The following DNAJC1 variants were observed in gnomAD, a reference collection of about 807,000 sequenced individuals.
The protein encoded by DNAJC1 is dnaJ homolog subfamily C member 1.
In DNAJC1, 58 loss-of-function variants were observed where a neutral mutation model predicts 76.6. The ratio of observed to expected loss-of-function variants is 0.76; its 90% CI spans 0.61 to 0.94. DNAJC1 has a LOEUF of 0.94. Among genes scored for constraint, DNAJC1 ranks in the 40% least tolerant of loss-of-function variants. DNAJC1 has a pLI of 0.00. For missense variants in DNAJC1, 689 were observed against 677.3 expected, an observed-to-expected ratio of 1.02 and a Z score of -0.19; for synonymous variants, 258 against 267.9, an observed-to-expected ratio of 0.96 and a Z score of 0.36.
At chr10:21,966,888 C>T (rs1269195730) in intron 1 of DNAJC1, among the ~76,000 whole-genome samples, 8 of 151,684 alleles carry the variant, frequency 5.3e-5, no homozygotes, top group African/African-American at 1.7e-4. Flanking sequence ...CATTTCACCA[C>T]GTTGCCCAGG....
At chr10:21,941,268 CAAAA>C (rs11435502) in intron 1 of DNAJC1, among the ~76,000 whole-genome samples, 4 of 43,658 alleles carry the variant, frequency 9.2e-5, no homozygotes, top group Non-Finnish European at 1.1e-4. Flanking sequence ...GACACTGTCT[CAAAA>C]AAAAAAAAAA....
chr10:21,904,649 A>G (rs767091919), intron 6 of DNAJC1, 37 bp from the exon 7 acceptor site: 9 of 1,284,660 alleles, frequency 7.0e-6, no homozygotes, highest in Non-Finnish European at 8.9e-6. Context: ...TAACATAAAA[A>G]TCAGTGTGCT....
chr10:21,841,924 A>G (rs1335563268), intron 8 of DNAJC1, among the ~76,000 whole-genome samples: 6 of 152,140 alleles, frequency 3.9e-5, no homozygotes, highest in Non-Finnish European at 5.9e-5. Flanking sequence ...GCCATAAAAA[A>G]TGATGAGTTC....
intron 1 of DNAJC1, among the ~76,000 whole-genome samples, chr10:21,933,964 C>G (rs1030963807): frequency 6.6e-6 from 1 of 151,826 alleles, no homozygotes; most frequent in Admixed American, 6.6e-5. Context: ...TATGTATTTA[C>G]TATACTATTA....
intron 1 of DNAJC1, among the ~76,000 whole-genome samples, chr10:21,963,792 A>T (rs1837841760): frequency 2.0e-5 from 3 of 152,026 alleles, no homozygotes. Context: ...TAATGTGTTT[A>T]TTGATATACA....
At chr10:21,970,703 T>C (rs931609382) in intron 1 of DNAJC1, among the ~76,000 whole-genome samples, 1 of 151,996 alleles carries the variant, frequency 6.6e-6, no homozygotes, top group African/African-American at 2.4e-5. Flanking sequence ...ACTTGATGCA[T>C]GCTGTGCTAC....
intron 9 of DNAJC1, among the ~76,000 whole-genome samples, chr10:21,799,571 G>A (rs1834789466): frequency 6.6e-6 from 1 of 152,128 alleles, no homozygotes; most frequent in Non-Finnish European, 1.5e-5. Context: ...TCAAAGTGCT[G>A]GGATTACAGG....
At chr10:21,803,355 A>G (rs546669343) in intron 9 of DNAJC1, among the ~76,000 whole-genome samples, 2 of 152,268 alleles carry the variant, frequency 1.3e-5, no homozygotes, top group East Asian at 1.9e-4. Context: ...ATGACACTCA[A>G]TTGAACCTGG....
intron 8 of DNAJC1, among the ~76,000 whole-genome samples, chr10:21,876,159 G>C (rs1836185342): frequency 6.7e-6 from 1 of 149,138 alleles, no homozygotes; most frequent in Non-Finnish European, 1.5e-5. Context: ...CGCCTATGCT[G>C]GAGTGCAGTG....
rs536865393 is a variant in DNAJC1 at position 21,936,265 on chromosome 10, G to A, written c.223-7124C>T. 1.9e-4 allele frequency among the ~76,000 whole-genome samples: 29 copies of A among 152,282 alleles called. No homozygotes were observed. The South Asian group carries it at 3.1e-3, about 16-fold the overall frequency. The stretch of plus-strand genomic sequence containing the variant: ...GCCCTCACCAGACAGTGAATATGTT[G>A]TACCTTGATCTTGGACTTCCCAGTC... On this transcript the variant is annotated intron_variant, in intron 1 of 11. Coordinates refer to ENST00000376980, the MANE Select transcript of DNAJC1 (RefSeq NM_022365.4).
intron 7 of DNAJC1, among the ~76,000 whole-genome samples, chr10:21,886,233 G>A (rs956223972): frequency 1.1e-4 from 16 of 152,092 alleles, no homozygotes; most frequent in Non-Finnish European, 2.4e-4. Context: ...AAACCTAGAA[G>A]AGATGGATAA....
intron 1 of DNAJC1, among the ~76,000 whole-genome samples, chr10:21,978,265 G>A (rs1838097069): frequency 6.6e-6 from 1 of 152,160 alleles, no homozygotes; most frequent in South Asian, 2.1e-4. Flanking sequence ...TTTGAACAGA[G>A]GGAGAGAGAA....
chr10:21,971,583 A>G (rs1337231080), intron 1 of DNAJC1, among the ~76,000 whole-genome samples: 2 of 151,874 alleles, frequency 1.3e-5, no homozygotes, highest in African/African-American at 4.8e-5. Context: ...TTTGAGAAAC[A>G]TAAAATATGC....
intron 7 of DNAJC1, among the ~76,000 whole-genome samples, chr10:21,902,802 C>T (rs1836680715): frequency 6.6e-6 from 1 of 151,970 alleles, no homozygotes; most frequent in South Asian, 2.1e-4. Flanking sequence ...AACACATCTA[C>T]CAAAATTATA....
chr10:21,779,313 A>AC (rs1834496589), intron 9 of DNAJC1, among the ~76,000 whole-genome samples: 1 of 152,044 alleles, frequency 6.6e-6, no homozygotes, highest in Non-Finnish European at 1.5e-5. Flanking sequence ...TGAGTCCCTG[A>AC]CCCCCGAGTA....
rs561143181 is a variant in DNAJC1 at position 21,969,223 on chromosome 10, CAA to C, written c.222+33988_222+33989del. Among the ~76,000 whole-genome samples, 593 of 87,026 alleles carry C rather than the reference CAA, an allele frequency of 6.8e-3. 8 individuals carry two copies. The highest frequency in any genetic ancestry group is 0.018 in the South Asian group (42 of 2,366). The allele number at this position is 87,026 out of a possible 152,430, so 57.1% of individuals were successfully genotyped here. A position where few individuals can be genotyped will look rare whatever the true frequency, so the allele number is the denominator to read the frequency against. Reference sequence around the variant, plus strand: ...TGGGCAATAGAGCGAGACTCCATTTCAAAAAAAAAAAAAAAAAAAAGGAGGAA... The same window carrying C: ...TGGGCAATAGAGCGAGACTCCATTTCAAAAAAAAAAAAAAAAAAGGAGGAA... On this transcript the variant is annotated intron_variant, in intron 1 of 11. Coordinates refer to ENST00000376980, the MANE Select transcript of DNAJC1 (RefSeq NM_022365.4).
At chr10:21,824,343 C>G (rs1333587008) in intron 8 of DNAJC1, among the ~76,000 whole-genome samples, 1 of 152,154 alleles carries the variant, frequency 6.6e-6, no homozygotes, top group Non-Finnish European at 1.5e-5. Flanking sequence ...GTTCTCAATA[C>G]TAAATGCACT....
chr10:21,860,296 T>C (rs796127655), intron 8 of DNAJC1, among the ~76,000 whole-genome samples: 2 of 152,280 alleles, frequency 1.3e-5, no homozygotes, highest in African/African-American at 4.8e-5. Flanking sequence ...CATATTCTCT[T>C]ATCTCTAAAA....
intron 1 of DNAJC1, among the ~76,000 whole-genome samples, chr10:21,956,249 T>A (rs1319103855): frequency 6.6e-6 from 1 of 151,906 alleles, no homozygotes; most frequent in East Asian, 1.9e-4. Flanking sequence ...TAACTAACCA[T>A]CTCCCACCAT....
Sources: gnomAD v4.1 joint callset for allele counts (sites outside exome capture counted in the v4.1 genomes callset) on GRCh38, gnomAD v4.1.1 for gene constraint, MANE v1.5 for transcripts, NCBI Gene and HGNC (gene_info 2026-07-23, HGNC 2026-07-21) for gene names.